The following GPC6 variants were observed in gnomAD, a reference collection of about 807,000 sequenced individuals.
The protein encoded by GPC6 is glypican-6.
Under a neutral mutation model 55.2 loss-of-function variants are expected in GPC6, and 14 were observed. That is an observed-to-expected ratio of 0.25 (90% CI 0.17 to 0.40). The LOEUF (loss-of-function observed/expected upper bound fraction) is 0.40, where lower values mean the gene tolerates loss of function less well. GPC6 is among the 10% of genes least tolerant of loss of function. GPC6 has a pLI of 1.00. For synonymous variants in GPC6, 278 were observed against 259.6 expected (o/e 1.07, Z -0.68); for missense variants, 641 against 708.5 (o/e 0.90, Z 1.08).
chr13:93,571,044 T>TA (rs1276407345), intron 2 of GPC6, among the ~76,000 whole-genome samples: 3 of 152,092 alleles, frequency 2.0e-5, no homozygotes, highest in Admixed American at 6.6e-5. Flanking sequence ...TATATATATA[T>TA]TTTTTAATTG....
intron 4 of GPC6, among the ~76,000 whole-genome samples, chr13:94,215,344 T>A (rs1380870638): frequency 6.6e-6 from 1 of 152,208 alleles, no homozygotes; most frequent in African/African-American, 2.4e-5. Flanking sequence ...GATTTTGTCA[T>A]GGGCTTTATC....
At chr13:93,864,801 G>A (rs1888910847) in intron 3 of GPC6, among the ~76,000 whole-genome samples, 1 of 151,694 alleles carries the variant, frequency 6.6e-6, no homozygotes, top group South Asian at 2.1e-4. Context: ...TCTATGGGCT[G>A]ACCCAAATGT....
chr13:94,329,920 G>A (rs7325235), intron 6 of GPC6, among the ~76,000 whole-genome samples: 34,408 of 152,114 alleles, frequency 0.23, 4,255 homozygotes, highest in Middle Eastern at 0.39. Flanking sequence ...TGATTACTCA[G>A]CCTCTAAAGT....
intron 2 of GPC6, among the ~76,000 whole-genome samples, chr13:93,564,610 C>T (rs528791362): frequency 5.3e-5 from 8 of 152,250 alleles, no homozygotes; most frequent in South Asian, 4.1e-4. Context: ...ACCATGTTCA[C>T]GTCAAAACCA....
At chr13:94,282,307 C>T (rs180748266) in intron 4 of GPC6, among the ~76,000 whole-genome samples, 207 of 152,188 alleles carry the variant, frequency 1.4e-3, no homozygotes, top group Non-Finnish European at 2.7e-3. Context: ...GGGAAGCAAA[C>T]ATGTCCTTCT....
chr13:93,971,617 A>G (rs1339534325), intron 3 of GPC6, among the ~76,000 whole-genome samples: 1 of 152,238 alleles, frequency 6.6e-6, no homozygotes, highest in African/African-American at 2.4e-5. Flanking sequence ...CTATAGATCA[A>G]TGTGATGCTA....
At chr13:94,086,067 T>A (rs1885271023) in intron 4 of GPC6, among the ~76,000 whole-genome samples, 2 of 152,202 alleles carry the variant, frequency 1.3e-5, no homozygotes. Context: ...GATTTTATTC[T>A]TTTTTTGTTT....
chr13:93,241,684 T>C lies in GPC6; in HGVS notation c.160+14068T>C, dbSNP rs1701123518. On this transcript the variant is annotated intron_variant, in intron 1 of 8. Transcript: ENST00000377047. ...TTCCAAGATTTCATTTTGGTTTAGA[T>C]TTATTGCTAAAGAGTTAATGTGATC... Among the ~76,000 whole-genome samples the C allele has an allele frequency of 2.0e-5, 3 of 152,188 alleles. No homozygotes were observed. In the South Asian group the frequency reaches 6.2e-4, roughly 31 times the overall value.
intron 1 of GPC6, among the ~76,000 whole-genome samples, chr13:93,230,151 A>C (rs556078709): frequency 6.6e-5 from 10 of 152,302 alleles, no homozygotes; most frequent in African/African-American, 2.2e-4. Flanking sequence ...ATTTAAAAGA[A>C]TTGCTGTTCA....
chr13:93,290,073 G>C (rs1878267514), intron 1 of GPC6, among the ~76,000 whole-genome samples: 1 of 152,080 alleles, frequency 6.6e-6, no homozygotes, highest in South Asian at 2.1e-4. Flanking sequence ...TTTGGTCTGG[G>C]CTCTAAATGA....
chr13:93,643,903 T>A (rs1880064909), intron 2 of GPC6, among the ~76,000 whole-genome samples: 1 of 152,088 alleles, frequency 6.6e-6, no homozygotes, highest in South Asian at 2.1e-4. Flanking sequence ...CATTCAGTAT[T>A]GTTAAGTTGA....
intron 1 of GPC6, among the ~76,000 whole-genome samples, chr13:93,251,028 A>C (rs953971159): frequency 2.0e-5 from 3 of 152,172 alleles, no homozygotes; most frequent in African/African-American, 7.2e-5. Context: ...TAAAACCATC[A>C]GATCTCGTGA....
At position 94,398,462 on chromosome 13, in the gene GPC6, G is replaced by A. The variant is rs755380776; in HGVS notation, c.1290-4G>A. 6.2e-6 allele frequency: 10 copies of A among 1,610,238 alleles called. No homozygotes were observed. The highest frequency in any genetic ancestry group is 5.5e-5 in the South Asian group (5 of 91,006). ...GAGGTGTTCTCTCACTCTCTGCCTT[G>A]CAGATACTTGCCTGAGATCATGAAT... On this transcript the variant is annotated splice_region_variant and splice_polypyrimidine_tract_variant and intron_variant, in intron 7 of 8. Coordinates refer to ENST00000377047, the MANE Select transcript of GPC6 (RefSeq NM_005708.5).
chr13:93,235,058 A>G (rs1876189612), intron 1 of GPC6, among the ~76,000 whole-genome samples: 1 of 152,236 alleles, frequency 6.6e-6, no homozygotes, highest in Non-Finnish European at 1.5e-5. Context: ...AGAATTAATC[A>G]AATTGTGCCA....
chr13:94,199,564 C>T (rs1424805148), intron 4 of GPC6, among the ~76,000 whole-genome samples: 2 of 152,188 alleles, frequency 1.3e-5, no homozygotes, highest in Non-Finnish European at 2.9e-5. Context: ...GGCTTGCATC[C>T]TTCTCTACCA....
chr13:94,036,798 T>C (rs1458266544), intron 4 of GPC6, among the ~76,000 whole-genome samples: 1 of 151,924 alleles, frequency 6.6e-6, no homozygotes, highest in Non-Finnish European at 1.5e-5. Flanking sequence ...AGTTATCTCA[T>C]AGGAAGCAAA....
intron 1 of GPC6, among the ~76,000 whole-genome samples, chr13:93,388,559 C>T (rs1043269158): frequency 6.6e-6 from 1 of 152,168 alleles, no homozygotes; most frequent in African/African-American, 2.4e-5. Context: ...ACCAATTAAG[C>T]TGAATAGAGT....
At chr13:93,898,936 T>TATAA (rs1876178408) in intron 3 of GPC6, among the ~76,000 whole-genome samples, 1 of 93,158 alleles carries the variant, frequency 1.1e-5, no homozygotes, top group Non-Finnish European at 2.1e-5. Flanking sequence ...AAATATTATA[T>TATAA]ATAAATATAT....
chr13:93,702,642 A>C (rs1450741083), intron 2 of GPC6, among the ~76,000 whole-genome samples: 1 of 151,994 alleles, frequency 6.6e-6, no homozygotes, highest in African/African-American at 2.4e-5. Context: ...TAGTGTCCCC[A>C]TCTTCATCAA....
Sources: allele counts gnomAD v4.1 joint callset (sites outside exome capture counted in the v4.1 genomes callset), GRCh38; gene constraint gnomAD v4.1.1; transcripts MANE v1.5; gene names NCBI Gene and HGNC (gene_info 2026-07-23, HGNC 2026-07-21).